Variants in TMIGD3 observed in about 807,000 individuals in gnomAD.
TMIGD3 encodes the protein AD026 protein (AD026).
A neutral mutation model predicts 28.1 loss-of-function variants in TMIGD3; 21 were observed. The ratio of observed to expected loss-of-function variants is 0.75; its 90% CI spans 0.53 to 1.08. TMIGD3 has a LOEUF of 1.08. Ranked by LOEUF, TMIGD3 falls within the 50% of genes least tolerant of loss-of-function variation. TMIGD3 has a pLI of 0.00. For missense variants in TMIGD3, 416 were observed against 435.6 expected (o/e 0.96, Z 0.40); for synonymous variants, 151 against 162.1 (o/e 0.93, Z 0.52).
In TMIGD3 at chr1:111,488,659, C is replaced by T; in HGVS notation, c.805+18G>A. ...GGCTGTGGGTTACATCCAGCCAGAC[C>T]CCAGGCAGGCTCCTTACCTTTCCCA... On this transcript the variant is annotated intron_variant, in intron 3 of 5. Transcript: ENST00000369716. 1.2e-6 allele frequency: 2 copies of T among 1,602,664 alleles called. No homozygotes were observed. Among genetic ancestry groups the T allele is most frequent in the African/African-American group, 1.3e-5 (1 of 74,844 alleles).
chr1:111,504,940 G>T, upstream of TMIGD3: 2 of 985,194 alleles, frequency 2.0e-6, no homozygotes, highest in Non-Finnish European at 2.4e-6. Flanking sequence ...CTCTCCAACT[G>T]AATTTCCATC....
At chr1:111,490,431 T>G (rs1037108968) in intron 2 of TMIGD3, 1 of 555,772 alleles carries the variant, frequency 1.8e-6, no homozygotes. Flanking sequence ...TGCAGAGTCA[T>G]CATTTTAGTC....
In TMIGD3 at chr1:111,503,157, C is replaced by T; in HGVS notation, c.198G>A (p.Met66Ile). The change falls in exon 1 of 6, where the codon ATG becomes ATA. Residue 66 changes from methionine to isoleucine, a missense_variant. By Grantham distance (10) the Met-to-Ile change is conservative. Coordinates refer to ENST00000369716, the MANE Select transcript of TMIGD3 (RefSeq NM_020683.7). ...CCAGGCTGACAACAATGGCCAAAGG[C>T]ATGACCAGCACCCCAACAGCAATGT... ...LADIAVGVLVMPLAIVVSLGI... is the reference protein window; with the variant it reads ...LADIAVGVLVIPLAIVVSLGI... 1.9e-6 allele frequency: 3 copies of T among 1,614,214 alleles called. No homozygotes were observed. In the South Asian group the frequency reaches 3.3e-5, roughly 18 times the overall value.
chr1:111,520,239 T>C (rs1284930560), intron 1 of TMIGD3, among the ~76,000 whole-genome samples: 9 of 152,220 alleles, frequency 5.9e-5, no homozygotes, highest in African/African-American at 1.9e-4. Flanking sequence ...TAGCAGCTGC[T>C]ACCCATGTTA....
At chr1:111,521,544 T>C (rs1244709432) in intron 1 of TMIGD3, among the ~76,000 whole-genome samples, 2 of 152,194 alleles carry the variant, frequency 1.3e-5, no homozygotes, top group African/African-American at 2.4e-5. Context: ...CATCTTCTTA[T>C]GTGCTTTTTT....
chr1:111,527,444 A>C (rs1171116588), intron 1 of TMIGD3, among the ~76,000 whole-genome samples: 5 of 152,168 alleles, frequency 3.3e-5, no homozygotes, highest in Non-Finnish European at 7.4e-5. Context: ...AGTTTTGGCA[A>C]TTATAAATAA....
At position 111,503,159 on chromosome 1, in the gene TMIGD3, T is replaced by TGGTC; in HGVS notation, c.195_196insGACC (p.Met66AspfsTer95). On this transcript the variant is annotated frameshift_variant, in exon 1 of 6. Transcript: ENST00000369716. LOFTEE classifies it high-confidence loss of function. ...AGGCTGACAACAATGGCCAAAGGCA[T>TGGTC]GACCAGCACCCCAACAGCAATGTCA... 1 of 1,614,248 alleles carries TGGTC rather than the reference T, an allele frequency of 6.2e-7. No individual in the cohort carries two copies.
chr1:111,530,313 T>A (rs1315633757), intron 1 of TMIGD3, among the ~76,000 whole-genome samples: 2 of 152,202 alleles, frequency 1.3e-5, no homozygotes, highest in African/African-American at 4.8e-5. Context: ...CCTTCCAATA[T>A]AATGTTATTG....
chr1:111,506,429 G>C (rs537321820), upstream of TMIGD3, among the ~76,000 whole-genome samples: 1 of 152,338 alleles, frequency 6.6e-6, no homozygotes, highest in African/African-American at 2.4e-5. Flanking sequence ...CAATGCTCTC[G>C]AATGAAATAG....
intron 1 of TMIGD3, among the ~76,000 whole-genome samples, chr1:111,540,808 C>T (rs1430677549): frequency 2.6e-5 from 4 of 152,200 alleles, no homozygotes; most frequent in African/African-American, 7.2e-5. Flanking sequence ...AATGAGTTGT[C>T]TAAACAGGTT....
rs139917683 is a variant in TMIGD3, at chr1:111,524,417, G to A, written c.108-33655C>T. Among the ~76,000 whole-genome samples the A allele has an allele frequency of 3.8e-3, 585 of 152,176 alleles. 3 individuals carry two copies. The highest frequency in any genetic ancestry group is 0.013 in the African/African-American group (540 of 41,498). On this transcript the variant is annotated intron_variant, in intron 1 of 5. Transcript: ENST00000369717. ...AAAAATTTTAAATGACATATTTACTGGAGTTGTGCCTTTTCTACCACACTG... is the reference window on the plus strand; with the variant it reads ...AAAAATTTTAAATGACATATTTACTAGAGTTGTGCCTTTTCTACCACACTG...
At chr1:111,488,642 G>C in intron 3 of TMIGD3, 35 bp downstream of exon 3, 1 of 1,577,392 alleles carries the variant, frequency 6.3e-7, no homozygotes, top group Non-Finnish European at 8.7e-7. Context: ...ATGGCTGTGG[G>C]TTACATCCAG....
intron 1 of TMIGD3, among the ~76,000 whole-genome samples, chr1:111,491,266 T>C (rs975678674): frequency 3.3e-5 from 5 of 152,232 alleles, no homozygotes; most frequent in Admixed American, 3.3e-4. Flanking sequence ...GCCTGGGACC[T>C]GGAACACGTG....
intron 1 of TMIGD3, among the ~76,000 whole-genome samples, chr1:111,522,779 G>A (rs996363324): frequency 3.3e-5 from 5 of 152,246 alleles, no homozygotes; most frequent in African/African-American, 1.2e-4. Context: ...GCCTCTCAAA[G>A]TGCTGGGATT....
upstream of TMIGD3, among the ~76,000 whole-genome samples, chr1:111,506,421 A>G (rs937834908): frequency 6.6e-6 from 1 of 152,226 alleles, no homozygotes; most frequent in Admixed American, 6.5e-5. Flanking sequence ...GACTCATTCA[A>G]TGCTCTCGAA....
At position 111,503,327 on chromosome 1, in the gene TMIGD3, A is replaced by T. The variant is rs143720296; in HGVS notation, c.28T>A (p.Leu10Met). ...ATGGTGATGTAGGTAACATTGGCCAATGACAGAGCAGTGCTGTTGTTGGGC... is the reference window on the plus strand; with the variant it reads ...ATGGTGATGTAGGTAACATTGGCCATTGACAGAGCAGTGCTGTTGTTGGGC... MPNNSTALS[L>M]ANVTYITMEI... The change falls in exon 1 of 6, where the codon TTG (leucine) becomes ATG (methionine). Residue 10 changes from leucine (L) to methionine (M), a missense_variant. By Grantham distance (15) the Leu-to-Met change is conservative. Transcript: ENST00000369716. 6.2e-7 allele frequency: 1 copy of T among 1,613,688 alleles called. No homozygotes were observed. The highest frequency in any genetic ancestry group is 8.5e-7 in the Non-Finnish European group (1 of 1,179,780).
upstream of TMIGD3, chr1:111,504,749 T>C (rs1201197304): frequency 1.6e-5 from 8 of 490,670 alleles, no homozygotes; most frequent in South Asian, 8.8e-5. Context: ...GAGACGCCTC[T>C]GCCTGGGGCT....
chr1:111,535,221 G>T (rs534144065), intron 1 of TMIGD3, among the ~76,000 whole-genome samples: 1 of 152,144 alleles, frequency 6.6e-6, no homozygotes. Context: ...CTATTATATC[G>T]AAATGTATCC....
intron 1 of TMIGD3, 35 bp downstream of exon 1, chr1:111,502,970 G>T (rs1159224448): frequency 6.2e-7 from 1 of 1,603,730 alleles, no homozygotes; most frequent in South Asian, 1.1e-5. Flanking sequence ...TTTCCCAGCT[G>T]CCTCAATTGC....
Sources: gnomAD v4.1 joint callset for allele counts (sites outside exome capture counted in the v4.1 genomes callset) on GRCh38, gnomAD v4.1.1 for gene constraint, MANE v1.5 for transcripts, NCBI Gene and HGNC (gene_info 2026-07-23, HGNC 2026-07-21) for gene names.